GALNT17: variants seen among roughly 807,000 people sequenced by gnomAD.
GALNT17 encodes the protein UDP-GalNAc:polypeptide N-acetylgalactosaminyltransferase-like 3.
GALNT17 carries 29 observed loss-of-function variants against 63.7 expected under a neutral mutation model. The ratio of observed to expected loss-of-function variants is 0.46; its 90% CI spans 0.34 to 0.62. GALNT17 has a LOEUF of 0.62. Among genes scored for constraint, GALNT17 ranks in the 20% least tolerant of loss-of-function variants. The pLI is 0.01. For missense variants in GALNT17, 603 were observed against 799.6 expected, an observed-to-expected ratio of 0.75 and a Z score of 2.97; for synonymous variants, 305 against 318.3, an observed-to-expected ratio of 0.96 and a Z score of 0.45.
chr7:71,583,455 A>G (rs1789667716), intron 6 of GALNT17, among the ~76,000 whole-genome samples: 1 of 152,092 alleles, frequency 6.6e-6, no homozygotes, highest in African/African-American at 2.4e-5. Flanking sequence ...GCCCCTCCCT[A>G]GAGCTGCAGA....
intron 1 of GALNT17, among the ~76,000 whole-genome samples, chr7:71,197,435 C>T (rs1040028290): frequency 6.6e-5 from 10 of 151,256 alleles, no homozygotes; most frequent in Middle Eastern, 3.2e-3. Context: ...GTCTCGATCT[C>T]CTGACCTTGT....
At chr7:71,209,064 C>T (rs1229897110) in intron 1 of GALNT17, among the ~76,000 whole-genome samples, 1 of 152,196 alleles carries the variant, frequency 6.6e-6, no homozygotes, top group Non-Finnish European at 1.5e-5. Context: ...GCATAGACAC[C>T]TCATAAACAA....
intron 5 of GALNT17, among the ~76,000 whole-genome samples, chr7:71,473,962 A>G (rs1787683036): frequency 6.6e-6 from 1 of 152,218 alleles, no homozygotes; most frequent in Non-Finnish European, 1.5e-5. Context: ...TGGCTACTCC[A>G]TAGGCAGAGT....
rs1214195779 is a variant in GALNT17 at position 71,693,303 on chromosome 7, C to CATATATATATATATATATATATATATAT, written c.1500+15998_1500+15999insTATATATATATATATATATATATATATA. 9.0e-5 allele frequency among the ~76,000 whole-genome samples: 11 copies of CATATATATATATATATATATATATATAT among 121,986 alleles called. 1 individual carries two copies. The East Asian group carries it at 2.7e-3, about 30-fold the overall frequency. 80.0% of individuals were successfully genotyped at this position (121,986 alleles called of 152,430 possible). A position where few individuals can be genotyped will look rare whatever the true frequency, so the allele number is the denominator to read the frequency against. On this transcript the variant is annotated intron_variant, in intron 9 of 10. Coordinates refer to ENST00000333538, the MANE Select transcript of GALNT17 (RefSeq NM_022479.3). ...ACACACACACACACACACACACACA[C>CATATATATATATATATATATATATATAT]ACACACATATATATATATGGAGACA...
In GALNT17 at chr7:71,646,439, G is replaced by A. The variant is rs545338895; in HGVS notation, c.1081-18972G>A. Among the ~76,000 whole-genome samples the A allele has an allele frequency of 5.3e-5, 8 of 152,242 alleles. No homozygotes were observed. In the East Asian group the frequency reaches 7.7e-4, roughly 15 times the overall value. On this transcript the variant is annotated intron_variant, in intron 6 of 10. Coordinates refer to ENST00000333538, the MANE Select transcript of GALNT17 (RefSeq NM_022479.3). The stretch of plus-strand genomic sequence containing the variant: ...CCACCACCTTCCTCTGGGACTCAGC[G>A]TGTTTCTATCTCATGAGTAGAATGG...
In GALNT17 at chr7:71,534,638, C is replaced by T. The variant is rs1220674877; in HGVS notation, c.963-36647C>T. ...AAAAAAATCAGATCTCATGAGAACT[C>T]ATTCACTATCACAAGAACAGCATGG... On this transcript the variant is annotated intron_variant, in intron 5 of 10. Transcript: ENST00000333538. Among the ~76,000 whole-genome samples the T allele has an allele frequency of 2.7e-5, 4 of 150,086 alleles. No individual in the cohort carries two copies. The East Asian group carries it at 7.9e-4, about 30-fold the overall frequency.
At chr7:71,701,856 CACATATATAT>C (rs1791647805) in intron 9 of GALNT17, among the ~76,000 whole-genome samples, 1 of 13,862 alleles carries the variant, frequency 7.2e-5, no homozygotes, top group African/African-American at 2.2e-4. Context: ...TATATATATA[CACATATATAT>C]ATACATATAT....
chr7:71,401,967 G>A (rs1563066544), intron 3 of GALNT17, among the ~76,000 whole-genome samples: 1 of 152,194 alleles, frequency 6.6e-6, no homozygotes, highest in East Asian at 1.9e-4. Flanking sequence ...TGTTCCTGGT[G>A]CCAAAAAGGT....
At chr7:71,333,657 C>T (rs1271208085) in intron 1 of GALNT17, among the ~76,000 whole-genome samples, 1 of 152,146 alleles carries the variant, frequency 6.6e-6, no homozygotes, top group Non-Finnish European at 1.5e-5. Flanking sequence ...CACATCACCA[C>T]ACTCGGCTAA....
chr7:71,668,045 C>T (rs942814507), intron 7 of GALNT17, among the ~76,000 whole-genome samples: 25 of 152,054 alleles, frequency 1.6e-4, no homozygotes, highest in Non-Finnish European at 2.9e-4. Context: ...GCAATCCTCC[C>T]ACCTCAGCTT....
At chr7:71,348,405 C>G (rs549676131) in intron 2 of GALNT17, among the ~76,000 whole-genome samples, 5 of 152,334 alleles carry the variant, frequency 3.3e-5, no homozygotes, top group Admixed American at 1.3e-4. Context: ...GTATTCTCAC[C>G]TGAAATGCGT....
At chr7:71,267,607 AC>A (rs1790514202) in intron 1 of GALNT17, among the ~76,000 whole-genome samples, 1 of 152,194 alleles carries the variant, frequency 6.6e-6, no homozygotes. Context: ...TGGATGGTGA[AC>A]CTGCTTTGTC....
chr7:71,157,801 T>G (rs922020575), intron 1 of GALNT17, among the ~76,000 whole-genome samples: 4 of 151,850 alleles, frequency 2.6e-5, no homozygotes, highest in Admixed American at 6.6e-5. Flanking sequence ...TCCTGGCACC[T>G]GGTAATCACT....
At chr7:71,158,426 A>G (rs28522967) in intron 1 of GALNT17, among the ~76,000 whole-genome samples, 69,769 of 150,258 alleles carry the variant, frequency 0.46, 17,829 homozygotes, top group African/African-American at 0.65. Flanking sequence ...ATAGTGTCTC[A>G]ATTTGTTGCC....
chr7:71,553,544 C>T (rs1201255930), intron 5 of GALNT17, among the ~76,000 whole-genome samples: 1 of 152,092 alleles, frequency 6.6e-6, no homozygotes, highest in African/African-American at 2.4e-5. Flanking sequence ...CATATTGAAT[C>T]CTTGTTCTTT....
chr7:71,365,692 A>G (rs1792491680), intron 2 of GALNT17, among the ~76,000 whole-genome samples: 2 of 152,104 alleles, frequency 1.3e-5, no homozygotes, highest in Non-Finnish European at 2.9e-5. Flanking sequence ...TAATTTAAAG[A>G]AAGTATCCAA....
chr7:71,186,228 G>T (rs1788848540), intron 1 of GALNT17, among the ~76,000 whole-genome samples: 1 of 152,142 alleles, frequency 6.6e-6, no homozygotes, highest in Non-Finnish European at 1.5e-5. Flanking sequence ...CAAGCCAGAA[G>T]CTAAAATTGC....
chr7:71,160,007 A>G (rs1443781785), intron 1 of GALNT17, among the ~76,000 whole-genome samples: 1 of 151,794 alleles, frequency 6.6e-6, no homozygotes, highest in Non-Finnish European at 1.5e-5. Flanking sequence ...CTGATCTCGA[A>G]CTCCTGACCT....
At chr7:71,571,656 G>A (rs569647983) in intron 6 of GALNT17, among the ~76,000 whole-genome samples, 8 of 152,120 alleles carry the variant, frequency 5.3e-5, no homozygotes, top group African/African-American at 1.4e-4. Flanking sequence ...AGCTGGAGAG[G>A]GTGGTTCCCA....
Sources: gnomAD v4.1 joint callset for allele counts (sites outside exome capture counted in the v4.1 genomes callset) on GRCh38, gnomAD v4.1.1 for gene constraint, MANE v1.5 for transcripts, NCBI Gene and HGNC (gene_info 2026-07-23, HGNC 2026-07-21) for gene names.